LPP: variants seen among roughly 807,000 people sequenced by gnomAD.
The protein encoded by LPP is lipoma-preferred partner.
In LPP, 38 loss-of-function variants were observed where a neutral mutation model predicts 60.4. The observed-to-expected ratio is 0.63, with a 90% CI of 0.49 to 0.83. The LOEUF is 0.83. Ranked by LOEUF, LPP falls within the 40% of genes least tolerant of loss-of-function variation. The pLI, the probability that LPP is intolerant of heterozygous loss-of-function variation, is 0.00. For synonymous variants in LPP, 328 were observed against 290.8 expected (o/e 1.13, Z -1.30); for missense variants, 902 against 783.6 (o/e 1.15, Z -1.80).
intron 2 of LPP, among the ~76,000 whole-genome samples, chr3:188,243,821 G>T (rs1384647181): frequency 6.6e-6 from 1 of 151,932 alleles, no homozygotes; most frequent in African/African-American, 2.4e-5. Flanking sequence ...AGTTCACTCT[G>T]ACACTAATCT....
chr3:188,523,358 A>T (rs561780976), intron 5 of LPP, among the ~76,000 whole-genome samples: 3 of 152,284 alleles, frequency 2.0e-5, no homozygotes, highest in African/African-American at 7.2e-5. Flanking sequence ...ACTCAAGCTG[A>T]CTAAGTTCCC....
intron 3 of LPP, among the ~76,000 whole-genome samples, chr3:188,371,073 C>T (rs532148908): frequency 5.9e-5 from 9 of 152,206 alleles, no homozygotes; most frequent in African/African-American, 1.2e-4. Flanking sequence ...TCTTATACCA[C>T]GAACATCTTC....
At chr3:188,354,166 C>A (rs772610288) in intron 3 of LPP, among the ~76,000 whole-genome samples, 1 of 151,962 alleles carries the variant, frequency 6.6e-6, no homozygotes, top group Non-Finnish European at 1.5e-5. Context: ...AAAAGAAAAA[C>A]ACACACACAC....
chr3:188,252,031 GA>G (rs1729812765), intron 2 of LPP, among the ~76,000 whole-genome samples: 1 of 41,406 alleles, frequency 2.4e-5, no homozygotes, highest in Non-Finnish European at 4.4e-5. Context: ...TTTTAATCCT[GA>G]TATATATATA....
chr3:188,186,717 T>C (rs1726707185), intron 1 of LPP, among the ~76,000 whole-genome samples: 1 of 152,142 alleles, frequency 6.6e-6, no homozygotes. Flanking sequence ...CCATTACCCA[T>C]AGTCAACCAC....
intron 4 of LPP, among the ~76,000 whole-genome samples, chr3:188,479,268 T>G (rs995801854): frequency 6.6e-6 from 1 of 152,110 alleles, no homozygotes; most frequent in Non-Finnish European, 1.5e-5. Context: ...CAACCAAAAA[T>G]TCTCCCCTCA....
At chr3:188,578,503 A>G (rs1238393774) in intron 6 of LPP, among the ~76,000 whole-genome samples, 1 of 152,126 alleles carries the variant, frequency 6.6e-6, no homozygotes, top group East Asian at 1.9e-4. Context: ...TACTAGTTTT[A>G]GTTATTATAA....
intron 6 of LPP, among the ~76,000 whole-genome samples, chr3:188,605,636 G>A (rs1842244576): frequency 6.6e-6 from 1 of 152,130 alleles, no homozygotes; most frequent in South Asian, 2.1e-4. Context: ...GGAGACAATC[G>A]AGAGACAAAA....
chr3:188,497,021 T>TA (rs1810429454), intron 5 of LPP, among the ~76,000 whole-genome samples: 1 of 151,908 alleles, frequency 6.6e-6, no homozygotes, highest in African/African-American at 2.4e-5. Flanking sequence ...TTTTTTTTTT[T>TA]AAGGAATACA....
chr3:188,412,900 A>G (rs1329564480), intron 4 of LPP, among the ~76,000 whole-genome samples: 4 of 152,272 alleles, frequency 2.6e-5, no homozygotes, highest in South Asian at 4.1e-4. Flanking sequence ...GGAAACAGTT[A>G]TAGATGATTG....
At chr3:188,540,309 T>G (rs1212057272) in intron 6 of LPP, among the ~76,000 whole-genome samples, 2 of 152,196 alleles carry the variant, frequency 1.3e-5, no homozygotes, top group Non-Finnish European at 2.9e-5. Context: ...TTTCTTTGCT[T>G]TTGTTATTTC....
At chr3:188,340,376 G>A (rs568398675) in intron 2 of LPP, among the ~76,000 whole-genome samples, 184 of 151,560 alleles carry the variant, frequency 1.2e-3, no homozygotes, top group African/African-American at 4.2e-3. Context: ...TTTCTTGCAG[G>A]GCATCTGATC....
intron 3 of LPP, among the ~76,000 whole-genome samples, chr3:188,397,334 A>T (rs1174641387): frequency 6.6e-6 from 1 of 152,166 alleles, no homozygotes; most frequent in Non-Finnish European, 1.5e-5. Flanking sequence ...ATTATTTCCT[A>T]AGATTTCTCC....
At chr3:188,387,177 G>C (rs1317550308) in intron 3 of LPP, among the ~76,000 whole-genome samples, 1 of 151,890 alleles carries the variant, frequency 6.6e-6, no homozygotes, top group Non-Finnish European at 1.5e-5. Flanking sequence ...ATTCTATCAA[G>C]TTCAGAACAT....
intron 4 of LPP, among the ~76,000 whole-genome samples, chr3:188,422,945 G>GTA (rs1439809311): frequency 6.6e-6 from 1 of 151,440 alleles, no homozygotes; most frequent in Admixed American, 6.6e-5. Flanking sequence ...GTGTGTGTGT[G>GTA]TGTGTGTGTG....
intron 7 of LPP, among the ~76,000 whole-genome samples, chr3:188,701,180 T>C (rs1344202978): frequency 1.3e-5 from 2 of 152,234 alleles, no homozygotes; most frequent in Non-Finnish European, 2.9e-5. Flanking sequence ...TCAAGGGTCC[T>C]ATTCATGTGT....
intron 1 of LPP, among the ~76,000 whole-genome samples, chr3:188,187,902 TTTC>T (rs1241404130): frequency 2.0e-5 from 3 of 146,742 alleles, no homozygotes; most frequent in African/African-American, 8.3e-5. Context: ...TTGTTTGCTC[TTTC>T]TTTTTTTTCT....
At chr3:188,558,922 G>C (rs1263450960) in intron 6 of LPP, among the ~76,000 whole-genome samples, 4 of 152,162 alleles carry the variant, frequency 2.6e-5, no homozygotes, top group African/African-American at 7.2e-5. Context: ...TTTTGAATTC[G>C]TGGTGGAAAG....
intron 9 of LPP, among the ~76,000 whole-genome samples, chr3:188,763,251 C>CTTT (rs547373113): frequency 4.2e-5 from 6 of 141,638 alleles, no homozygotes; most frequent in Admixed American, 2.8e-4. Flanking sequence ...GTGTGCCTGT[C>CTTT]TTTTTTTTTT....
Sources: gnomAD v4.1 joint callset for allele counts (sites outside exome capture counted in the v4.1 genomes callset) on GRCh38, gnomAD v4.1.1 for gene constraint, MANE v1.5 for transcripts, NCBI Gene and HGNC (gene_info 2026-07-23, HGNC 2026-07-21) for gene names.